The following MLKL variants were observed in gnomAD, a reference collection of about 807,000 sequenced individuals.
The protein encoded by MLKL is mixed lineage kinase domain like pseudokinase, also known as mixed lineage kinase domain-like protein.
In MLKL, 55 loss-of-function variants were observed where a neutral mutation model predicts 56.5. The ratio of observed to expected loss-of-function variants is 0.97; its 90% CI spans 0.78 to 1.22. MLKL has a LOEUF of 1.22. Ranked by LOEUF, MLKL falls within the 50% of genes most tolerant of loss-of-function variation. The pLI, the probability that MLKL is intolerant of heterozygous loss-of-function variation, is 0.00. For synonymous variants in MLKL, 251 were observed against 208.3 expected (o/e 1.20, Z -1.76); for missense variants, 694 against 573.9 (o/e 1.21, Z -2.14).
At chr16:74,675,558 G>C (rs1213370103) in intron 8 of MLKL, 55 bp downstream of exon 8, 3 of 1,586,054 alleles carry the variant, frequency 1.9e-6, no homozygotes, top group Non-Finnish European at 1.7e-6. Flanking sequence ...AGTTTGATTT[G>C]GGTTTTCCTA....
In MLKL at chr16:74,695,622, G is replaced by T; in HGVS notation, c.136C>A (p.Gln46Lys). Residue 46 changes from glutamine to lysine, a missense_variant, in exon 2 of 11, where the codon CAG (glutamine) becomes AAG (lysine). Coordinates refer to ENST00000308807, the MANE Select transcript of MLKL (RefSeq NM_152649.4). ...GGCACGCTCCTCTTTCCTTGGTCCT[G>T]GAGCATCTCCAGAGGCTTGATCAGG... ...LGLIKPLEML[Q>K]DQGKRSVPSE... 4 of 1,614,196 alleles carry T rather than the reference G, an allele frequency of 2.5e-6. No individual in the cohort carries two copies. The highest frequency in any genetic ancestry group is 3.4e-6 in the Non-Finnish European group (4 of 1,180,042).
In MLKL at chr16:74,685,484, A is replaced by T. The variant is rs1256531285; in HGVS notation, c.820+2T>A. On this transcript the variant is annotated splice_donor_variant, in intron 5 of 10. Transcript: ENST00000308807. LOFTEE classifies it high-confidence loss of function. ...TTGACCAATCCTAGAAGCATTCCTT[A>T]CCTGTTTCATCAATGCAAATCCCAA... 6.2e-7 allele frequency: 1 copy of T among 1,611,948 alleles called. No homozygotes were observed. The highest frequency in any genetic ancestry group is 1.7e-5 in the Admixed American group (1 of 60,002).
chr16:74,679,582 TG>T (rs1448891689), intron 6 of MLKL, among the ~76,000 whole-genome samples: 1 of 152,102 alleles, frequency 6.6e-6, no homozygotes, highest in Non-Finnish European at 1.5e-5. Context: ...CCAAGGTGGA[TG>T]GATCACTTGA....
chr16:74,688,189 C>G (rs898746472), intron 4 of MLKL, among the ~76,000 whole-genome samples: 4 of 151,886 alleles, frequency 2.6e-5, no homozygotes, highest in African/African-American at 9.7e-5. Context: ...AGGCTGGTCT[C>G]AAACTCCTGA....
At chr16:74,698,462 T>G (rs1048593534) in intron 1 of MLKL, among the ~76,000 whole-genome samples, 1 of 152,162 alleles carries the variant, frequency 6.6e-6, no homozygotes, top group Non-Finnish European at 1.5e-5. Flanking sequence ...TTACAGTGAT[T>G]GGGCAAGGGA....
chr16:74,687,476 T>G (rs1372535039), intron 4 of MLKL, among the ~76,000 whole-genome samples: 1 of 151,358 alleles, frequency 6.6e-6, no homozygotes, highest in Non-Finnish European at 1.5e-5. Context: ...TGTGTGGAAA[T>G]GAAAGGAATT....
intron 2 of MLKL, among the ~76,000 whole-genome samples, chr16:74,693,247 G>T (rs1429574986): frequency 1.3e-5 from 2 of 151,950 alleles, no homozygotes; most frequent in African/African-American, 4.8e-5. Flanking sequence ...TTGAGGTCAG[G>T]AGTTTGAGAC....
chr16:74,686,123 C>A (rs1045484628), intron 4 of MLKL, among the ~76,000 whole-genome samples: 4 of 152,084 alleles, frequency 2.6e-5, no homozygotes, highest in African/African-American at 9.7e-5. Flanking sequence ...CCATGCTTGG[C>A]TAATTTTTGT....
At chr16:74,677,657 T>C (rs951387546) in intron 7 of MLKL, 1 of 152,318 alleles carries the variant, frequency 6.6e-6, no homozygotes, top group Non-Finnish European at 1.5e-5. Flanking sequence ...TGCCTGGCCA[T>C]GTAGCAGCTC....
intron 1 of MLKL, among the ~76,000 whole-genome samples, chr16:74,697,939 C>T (rs1369747575): frequency 6.6e-6 from 1 of 152,172 alleles, no homozygotes; most frequent in Non-Finnish European, 1.5e-5. Context: ...GGTGTCATGA[C>T]TCAAACCTGT....
intron 7 of MLKL, chr16:74,678,117 G>T (rs1176688732): frequency 6.6e-6 from 1 of 152,320 alleles, no homozygotes; most frequent in Non-Finnish European, 1.5e-5. Flanking sequence ...CACCTAATGG[G>T]AGCCTCTTTC....
At chr16:74,698,550 A>G (rs1312086390) in intron 1 of MLKL, among the ~76,000 whole-genome samples, 1 of 152,194 alleles carries the variant, frequency 6.6e-6, no homozygotes, top group Non-Finnish European at 1.5e-5. Context: ...CTAAGCAGAT[A>G]TCTTCAAGGC....
Position 74,700,287 on chromosome 16 carries a change from C to G in MLKL, c.-3+166G>C, listed in dbSNP as rs571476360. Among the ~76,000 whole-genome samples, 23 of 152,064 alleles carry G rather than the reference C, an allele frequency of 1.5e-4. No individual in the cohort carries two copies. The South Asian group carries it at 4.8e-3, about 32-fold the overall frequency. ...CTTTGGCGGAAGGTAGTGCGAGATC[C>G]GAGCAGGCAGCTCCACCATCAGAGC... On this transcript the variant is annotated intron_variant, in intron 1 of 10. Coordinates refer to ENST00000308807, the MANE Select transcript of MLKL (RefSeq NM_152649.4).
At chr16:74,681,511 C>T (rs535530079) in intron 6 of MLKL, among the ~76,000 whole-genome samples, 96 of 151,526 alleles carry the variant, frequency 6.3e-4, no homozygotes, top group African/African-American at 2.2e-3. Context: ...ACACAAGACA[C>T]GGCCGGGCGC....
chr16:74,698,002 G>A (rs550072835), intron 1 of MLKL, among the ~76,000 whole-genome samples: 1 of 152,212 alleles, frequency 6.6e-6, no homozygotes, highest in African/African-American at 2.4e-5. Context: ...GCCTGAGTTC[G>A]AGACCAGCCT....
rs150099936 is a variant in MLKL, at chr16:74,682,734, C to T, written c.873G>A (p.Leu291=). 1 of 1,614,156 alleles carries T rather than the reference C, an allele frequency of 6.2e-7. No individual in the cohort carries two copies. The highest frequency in any genetic ancestry group is 1.1e-5 in the South Asian group (1 of 91,086). ...IVMEYCELGT[L]RELLDREKDL... is the part of the protein sequence containing the mutation. Reference sequence around the variant, plus strand: ...CTTTTTCCCTATCCAACAGCTCCCTCAGGGTCCCGAGTTCACAGTACTCCA... The same window carrying T: ...CTTTTTCCCTATCCAACAGCTCCCTTAGGGTCCCGAGTTCACAGTACTCCA... The change falls in exon 6 of 11, where the codon CTG becomes CTA. Residue 291 remains leucine, a synonymous_variant. Coordinates refer to ENST00000308807, the MANE Select transcript of MLKL (RefSeq NM_152649.4).
In MLKL at chr16:74,678,987, C is replaced by T. The variant is rs768825762; in HGVS notation, c.957-7G>A. The stretch of plus-strand genomic sequence containing the variant: ...TGCTTCTGAATGGTGTAGCCTGACA[C>T]AGCCAAAGGCGGGGAGCATAAGTAC... On this transcript the variant is annotated splice_polypyrimidine_tract_variant and splice_region_variant and intron_variant, in intron 6 of 10. Transcript: ENST00000308807. 6.2e-7 allele frequency: 1 copy of T among 1,613,142 alleles called. No individual in the cohort carries two copies. The highest frequency in any genetic ancestry group is 1.1e-5 in the South Asian group (1 of 91,066).
intron 4 of MLKL, among the ~76,000 whole-genome samples, chr16:74,689,122 CTT>C (rs532434236): frequency 3.0e-5 from 4 of 134,994 alleles, no homozygotes; most frequent in Admixed American, 7.4e-5. Flanking sequence ...TTTTTTTTTT[CTT>C]TTTTTTTTTT....
In MLKL at chr16:74,685,949, T is replaced by C. The variant is rs940719090; in HGVS notation, c.723-366A>G. ...GTTGTTTAGCATATACTCTGACAGA[T>C]TGTGGTGTGTGTCTTTTTTTTTTTT... On this transcript the variant is annotated intron_variant, in intron 4 of 10. Coordinates refer to ENST00000308807, the MANE Select transcript of MLKL (RefSeq NM_152649.4). Among the ~76,000 whole-genome samples the C allele has an allele frequency of 4.6e-5, 7 of 152,044 alleles. No homozygotes were observed. The South Asian group carries it at 6.2e-4, about 14-fold the overall frequency.
Sources: allele counts gnomAD v4.1 joint callset (sites outside exome capture counted in the v4.1 genomes callset), GRCh38; gene constraint gnomAD v4.1.1; transcripts MANE v1.5; gene names NCBI Gene and HGNC (gene_info 2026-07-23, HGNC 2026-07-21).